The following LINGO2 variants were observed in gnomAD, a reference collection of about 807,000 sequenced individuals.
LINGO2 encodes the protein leucine-rich repeat and immunoglobulin-like domain-containing nogo receptor-interacting protein 2.
A neutral mutation model predicts 30.6 loss-of-function variants in LINGO2; 14 were observed. That is an observed-to-expected ratio of 0.46 (90% CI 0.30 to 0.72). The LOEUF (loss-of-function observed/expected upper bound fraction) is 0.72, where lower values mean the gene tolerates loss of function less well. LINGO2 is among the 30% of genes least tolerant of loss of function. LINGO2 has a pLI of 0.07. For synonymous variants in LINGO2, 317 were observed against 288.5 expected, an observed-to-expected ratio of 1.10 and a Z score of -1.00; for missense variants, 729 against 751.7, an observed-to-expected ratio of 0.97 and a Z score of 0.35.
chr9:28,183,317 G>A (rs779763469), intron 4 of LINGO2, among the ~76,000 whole-genome samples: 9 of 152,046 alleles, frequency 5.9e-5, no homozygotes, highest in South Asian at 2.1e-4. Flanking sequence ...GGTGGGGGGC[G>A]AGGGGAGGGA....
chr9:28,025,117 A>C (rs2119409824), intron 4 of LINGO2, among the ~76,000 whole-genome samples: 1 of 152,260 alleles, frequency 6.6e-6, no homozygotes, highest in Middle Eastern at 3.4e-3. Flanking sequence ...CGGTATCTTG[A>C]CAGATGATGC....
chr9:29,177,769 C>A, the LINGO2 span, among the ~76,000 whole-genome samples: 1 of 152,150 alleles, frequency 6.6e-6, no homozygotes, highest in African/African-American at 2.4e-5. Context: ...CCTAAGGGCC[C>A]TACAAAGAAC....
intron 4 of LINGO2, among the ~76,000 whole-genome samples, chr9:28,210,429 A>G (rs1318604393): frequency 2.6e-5 from 4 of 151,702 alleles, no homozygotes; most frequent in Non-Finnish European, 5.9e-5. Context: ...AGCTGTAAGA[A>G]TAAAAAAAAT....
rs561610072 is a variant in LINGO2 at position 27,976,078 on chromosome 9, A to C, written c.-35-25372T>G. Among the ~76,000 whole-genome samples the C allele has an allele frequency of 1.2e-4, 19 of 152,198 alleles. No homozygotes were observed. In the South Asian group the frequency reaches 3.9e-3, roughly 32 times the overall value. On this transcript the variant is annotated intron_variant, in intron 5 of 5. Transcript: ENST00000379992. ...ATGAATTAAAATGGGGCAGTTACTT[A>C]ACCTGTTTGCCTCAATTTTACCTTT...
At chr9:28,777,955 G>C in the LINGO2 span, among the ~76,000 whole-genome samples, 820 of 152,218 alleles carry the variant, frequency 5.4e-3, 8 homozygotes, top group African/African-American at 0.019. Flanking sequence ...CTACATTAGA[G>C]AGCAATAATG....
the LINGO2 span, among the ~76,000 whole-genome samples, chr9:29,012,290 G>A: frequency 3.2e-4 from 48 of 152,058 alleles, no homozygotes; most frequent in Non-Finnish European, 4.1e-4. Flanking sequence ...CCCACAAGGC[G>A]GAGGCTGCAG....
At chr9:28,992,609 T>C in the LINGO2 span, among the ~76,000 whole-genome samples, 1 of 152,140 alleles carries the variant, frequency 6.6e-6, no homozygotes, top group Non-Finnish European at 1.5e-5. Context: ...ACCGCATAGT[T>C]GGAAGTAAAG....
intron 2 of LINGO2, among the ~76,000 whole-genome samples, chr9:28,458,670 C>G (rs1824950087): frequency 6.6e-6 from 1 of 152,096 alleles, no homozygotes; most frequent in Non-Finnish European, 1.5e-5. Context: ...TGCTTCTCAG[C>G]TCTCCTGGTA....
At chr9:28,361,786 G>A (rs1045938375) in intron 3 of LINGO2, among the ~76,000 whole-genome samples, 6 of 151,570 alleles carry the variant, frequency 4.0e-5, no homozygotes, top group East Asian at 3.9e-4. Context: ...ACTTTTTATC[G>A]CAACTTTATA....
intron 5 of LINGO2, among the ~76,000 whole-genome samples, chr9:28,008,809 G>T (rs983893468): frequency 7.2e-5 from 11 of 152,154 alleles, no homozygotes; most frequent in Non-Finnish European, 1.3e-4. Context: ...CCGATTGAAA[G>T]GTTTAATACT....
At chr9:28,650,235 C>G (rs1828034544) in intron 1 of LINGO2, among the ~76,000 whole-genome samples, 1 of 152,074 alleles carries the variant, frequency 6.6e-6, no homozygotes, top group Non-Finnish European at 1.5e-5. Flanking sequence ...AATTGACATG[C>G]CTGGAGTTTC....
the LINGO2 span, among the ~76,000 whole-genome samples, chr9:28,801,022 T>C: frequency 1.3e-5 from 2 of 152,074 alleles, no homozygotes; most frequent in Non-Finnish European, 2.9e-5. Flanking sequence ...ACTGAACCTC[T>C]CTCAGAAACA....
chr9:28,403,398 A>C (rs1039764912), intron 2 of LINGO2, among the ~76,000 whole-genome samples: 1 of 152,054 alleles, frequency 6.6e-6, no homozygotes, highest in Non-Finnish European at 1.5e-5. Context: ...TAAGGTGGCT[A>C]TTTCTCATGG....
intron 5 of LINGO2, among the ~76,000 whole-genome samples, chr9:27,999,559 A>G (rs1355795182): frequency 6.6e-6 from 1 of 151,884 alleles, no homozygotes; most frequent in Non-Finnish European, 1.5e-5. Context: ...TGGGCTTTTC[A>G]TCCTTGACAC....
At chr9:28,381,340 A>G (rs890188365) in intron 2 of LINGO2, among the ~76,000 whole-genome samples, 2 of 152,148 alleles carry the variant, frequency 1.3e-5, no homozygotes, top group African/African-American at 4.8e-5. Flanking sequence ...GGCAGCAAAA[A>G]TAATTTCAGT....
intron 4 of LINGO2, among the ~76,000 whole-genome samples, chr9:28,226,496 G>A (rs1016977851): frequency 1.1e-4 from 16 of 151,718 alleles, no homozygotes; most frequent in African/African-American, 3.9e-4. Flanking sequence ...TTCTTAAACA[G>A]AGGATTTTTT....
intron 1 of LINGO2, among the ~76,000 whole-genome samples, chr9:28,538,876 C>G (rs1458166443): frequency 6.6e-6 from 1 of 151,616 alleles, no homozygotes; most frequent in Non-Finnish European, 1.5e-5. Context: ...ATATTCATAC[C>G]ACAGCAGCTA....
intron 2 of LINGO2, among the ~76,000 whole-genome samples, chr9:28,419,686 C>A (rs573351993): frequency 3.3e-4 from 50 of 151,822 alleles, no homozygotes; most frequent in African/African-American, 1.1e-3. Context: ...ATAAAAAAAT[C>A]AGCCTTAAGA....
At chr9:28,354,004 G>A (rs1442639816) in intron 3 of LINGO2, among the ~76,000 whole-genome samples, 4 of 152,160 alleles carry the variant, frequency 2.6e-5, no homozygotes, top group Non-Finnish European at 1.5e-5. Context: ...GGCCTGTTGT[G>A]GGGTGGGTGA....
Sources: allele counts gnomAD v4.1 joint callset (sites outside exome capture counted in the v4.1 genomes callset), GRCh38; gene constraint gnomAD v4.1.1; transcripts MANE v1.5; gene names NCBI Gene and HGNC (gene_info 2026-07-23, HGNC 2026-07-21).